The following RELB variants were observed in gnomAD, a reference collection of about 807,000 sequenced individuals.
RELB encodes the protein transcription factor RelB.
Under a neutral mutation model 55.4 loss-of-function variants are expected in RELB, and 14 were observed. The ratio of observed to expected loss-of-function variants is 0.25; its 90% CI spans 0.17 to 0.40. The LOEUF (loss-of-function observed/expected upper bound fraction) is 0.40, where lower values mean the gene tolerates loss of function less well. Among genes scored for constraint, RELB ranks in the 10% least tolerant of loss-of-function variants. RELB has a pLI of 1.00. For synonymous variants in RELB, 409 were observed against 371.3 expected (o/e 1.10, Z -1.17); for missense variants, 669 against 830.7 (o/e 0.81, Z 2.39).
intron 2 of RELB, among the ~76,000 whole-genome samples, chr19:45,006,303 C>T (rs1971281435): frequency 6.6e-6 from 1 of 152,104 alleles, no homozygotes; most frequent in South Asian, 2.1e-4. Flanking sequence ...CTCCCGGGTT[C>T]AAGCCATCCT....
Position 45,022,100 on chromosome 19 carries a change from G to T in RELB, c.552G>T (p.Leu184=). 6.2e-7 allele frequency: 1 copy of T among 1,613,536 alleles called. No homozygotes were observed. Among genetic ancestry groups the T allele is most frequent in the Middle Eastern group, 1.7e-4 (1 of 5,970 alleles). ...GGGAGGTGGAGGTGACTGCCTGCCT[G>T]GTGTGGAAGGACTGGCCTCACCGAG... ...GLREVEVTAC[L]VWKDWPHRVH... Residue 184 remains leucine, a synonymous_variant, in exon 5 of 12, where the codon CTG becomes CTT. Coordinates refer to ENST00000221452, the MANE Select transcript of RELB (RefSeq NM_006509.4).
intron 5 of RELB, among the ~76,000 whole-genome samples, chr19:45,024,841 C>T (rs1323930152): frequency 4.6e-5 from 7 of 151,898 alleles, no homozygotes; most frequent in South Asian, 4.2e-4. Context: ...TGAGCCACCA[C>T]GTCTGGCCAA....
At chr19:45,009,110 T>A (rs1568397100) in intron 2 of RELB, among the ~76,000 whole-genome samples, 2 of 152,170 alleles carry the variant, frequency 1.3e-5, no homozygotes, top group African/African-American at 4.8e-5. Flanking sequence ...TGAGACAGTC[T>A]CGCTCTGTTG....
chr19:45,031,663 C>A (rs1451555321), intron 8 of RELB, among the ~76,000 whole-genome samples: 5 of 151,826 alleles, frequency 3.3e-5, no homozygotes, highest in African/African-American at 1.2e-4. Context: ...GCAAGCTCCG[C>A]CTCCCGGGTT....
At chr19:45,006,955 GAAA>G (rs961433718) in intron 2 of RELB, among the ~76,000 whole-genome samples, 2 of 91,838 alleles carry the variant, frequency 2.2e-5, no homozygotes, top group African/African-American at 4.0e-5. Context: ...AACTCCATCT[GAAA>G]AAAAAAAAAA....
In RELB at chr19:45,034,565, G is replaced by C. The variant is rs201083025; in HGVS notation, c.1354+37G>C. On this transcript the variant is annotated intron_variant, in intron 11 of 11. Coordinates refer to ENST00000221452, the MANE Select transcript of RELB (RefSeq NM_006509.4). ...CTACACATAAGCCCCTGTCCCCTGG[G>C]TGGGCAGAGGGTAAGTGGCAGCCCT... 8.0e-4 allele frequency: 1,233 copies of C among 1,547,874 alleles called. 5 individuals are homozygous for C. The African/African-American group carries it at 9.0e-3, about 11-fold the overall frequency.
Position 45,009,831 on chromosome 19 carries a change from C to T in RELB, c.163+9C>T. 1 of 1,598,512 alleles carries T rather than the reference C, an allele frequency of 6.3e-7. No homozygotes were observed. The highest frequency in any genetic ancestry group is 2.2e-5 in the East Asian group (1 of 44,820). ...TTCCACAGATGAATTGGGTGAGTAT[C>T]ACAGGGCAGGTTTGCGGGGAGGCTG... On this transcript the variant is annotated intron_variant, in intron 3 of 11. Coordinates refer to ENST00000221452, the MANE Select transcript of RELB (RefSeq NM_006509.4).
In RELB at chr19:45,010,268, T is replaced by C. The variant is rs1195678254; in HGVS notation, c.163+446T>C. Among the ~76,000 whole-genome samples the C allele has an allele frequency of 3.7e-5, 5 of 134,654 alleles. 1 individual carries two copies. Among genetic ancestry groups the C allele is most frequent in the African/African-American group, 1.1e-4 (4 of 36,646 alleles). 88.3% of individuals were successfully genotyped at this position (134,654 alleles called of 152,430 possible). A position where few individuals can be genotyped will look rare whatever the true frequency, so the allele number is the denominator to read the frequency against. On this transcript the variant is annotated intron_variant, in intron 3 of 11. Transcript: ENST00000221452. Reference sequence around the variant, plus strand: ...AAGCCGAGGCTGCAGTGAGCTATGATTGCACCACTGCACTGCAGCCTGGGC... The same window carrying C: ...AAGCCGAGGCTGCAGTGAGCTATGACTGCACCACTGCACTGCAGCCTGGGC...
chr19:45,021,827 G>A (rs1971492231), intron 4 of RELB: 4 of 434,996 alleles, frequency 9.2e-6, no homozygotes, highest in Non-Finnish European at 1.6e-5. Flanking sequence ...CGCCCACCTC[G>A]GCCTTCCAAC....
intron 2 of RELB, chr19:45,008,634 C>T (rs1971312604): frequency 4.7e-6 from 2 of 429,026 alleles, no homozygotes; most frequent in South Asian, 1.6e-5. Context: ...ATAAGGGGTG[C>T]AGGAAAACTA....
At chr19:45,012,578 T>C (rs1173902420) in intron 4 of RELB, among the ~76,000 whole-genome samples, 1 of 151,866 alleles carries the variant, frequency 6.6e-6, no homozygotes, top group African/African-American at 2.4e-5. Context: ...ACCCCATCTG[T>C]ACTAAAAGTA....
chr19:45,031,644 T>C (rs920956693), intron 8 of RELB, among the ~76,000 whole-genome samples: 7 of 151,952 alleles, frequency 4.6e-5, no homozygotes, highest in Non-Finnish European at 1.0e-4. Flanking sequence ...GGTGCGATCT[T>C]GGCTCACTGC....
Position 45,002,929 on chromosome 19 carries a change from A to T in RELB, c.107-20A>T. The T allele has an allele frequency of 1.2e-6, 2 of 1,612,096 alleles. No individual in the cohort carries two copies. The highest frequency in any genetic ancestry group is 1.7e-6 in the Non-Finnish European group (2 of 1,178,868). On this transcript the variant is annotated intron_variant, in intron 1 of 11. Transcript: ENST00000221452. ...TGGCTGCCCCCCATCACCTCCTGAG[A>T]CGTTTCTCCTTCTCTGCAGGGTCCC...
rs887162717 is a variant in RELB, at chr19:45,031,274, C to A, written c.992-1260C>A. Among the ~76,000 whole-genome samples, 31 of 152,070 alleles carry A rather than the reference C, an allele frequency of 2.0e-4. 2 individuals are homozygous for A. Among genetic ancestry groups the A allele is most frequent in the Non-Finnish European group, 2.9e-5 (2 of 68,024 alleles). On this transcript the variant is annotated intron_variant, in intron 8 of 11. Coordinates refer to ENST00000221452, the MANE Select transcript of RELB (RefSeq NM_006509.4). ...AAATAGCTGGGACCACAGGCGTGCGCCACCATGCCTGGCTAATTTTTTAAT... is the reference window on the plus strand; with the variant it reads ...AAATAGCTGGGACCACAGGCGTGCGACACCATGCCTGGCTAATTTTTTAAT...
At chr19:45,021,233 G>A (rs936611305) in intron 4 of RELB, among the ~76,000 whole-genome samples, 14 of 152,072 alleles carry the variant, frequency 9.2e-5, no homozygotes, top group African/African-American at 3.1e-4. Flanking sequence ...CAGCACTTTG[G>A]GAGGCCGAGG....
chr19:45,002,477 C>G (rs191580245), intron 1 of RELB, among the ~76,000 whole-genome samples: 13 of 152,246 alleles, frequency 8.5e-5, no homozygotes, highest in Middle Eastern at 3.4e-3. Context: ...CTCAGCCCCC[C>G]GAGTAGCTGG....
At chr19:45,009,884 T>TATTATTAATCC in intron 3 of RELB, 62 bp downstream of exon 3, 2 of 1,452,280 alleles carry the variant, frequency 1.4e-6, no homozygotes, top group South Asian at 2.3e-5. Flanking sequence ...CAGAAGGGGG[T>TATTATTAATCC]CTTGGCCTTC....
At chr19:45,025,141 G>C (rs1261414723) in intron 5 of RELB, among the ~76,000 whole-genome samples, 188 bp from the exon 6 acceptor site, 1 of 152,080 alleles carries the variant, frequency 6.6e-6, no homozygotes, top group Non-Finnish European at 1.5e-5. Flanking sequence ...TTACAGGTGT[G>C]AGCCACCGCG....
In RELB at chr19:45,001,587, G is replaced by T. The variant is rs1182717956; in HGVS notation, c.8G>T (p.Arg3Leu). The change falls in exon 1 of 12, where the codon CGG becomes CTG. Residue 3 changes from arginine (R) to leucine (L), a missense_variant. By Grantham distance (102) the Arg-to-Leu change is moderately radical. Coordinates refer to ENST00000221452, the MANE Select transcript of RELB (RefSeq NM_006509.4). ...CCCGGCCGGCCCGCGTGCATGCTTC[G>T]GTCTGGGCCAGCCTCTGGGCCGTCC... Reference protein sequence around the residue: MLRSGPASGPSVP... With the variant: MLLSGPASGPSVP... The T allele has an allele frequency of 2.0e-6, 3 of 1,472,742 alleles. No homozygotes were observed. The highest frequency in any genetic ancestry group is 2.6e-5 in the South Asian group (2 of 78,068). The allele number at this position is 1,472,742 out of a possible 1,614,324, so 91.2% of individuals were successfully genotyped here. A position where few individuals can be genotyped will look rare whatever the true frequency, so the allele number is the denominator to read the frequency against.
Sources: gnomAD v4.1 joint callset for allele counts (sites outside exome capture counted in the v4.1 genomes callset) on GRCh38, gnomAD v4.1.1 for gene constraint, MANE v1.5 for transcripts, NCBI Gene and HGNC (gene_info 2026-07-23, HGNC 2026-07-21) for gene names.